The following OTUD7A variants were observed in gnomAD, a reference collection of about 807,000 sequenced individuals.
OTUD7A encodes the protein OTU domain-containing protein 7A.
Under a neutral mutation model 65.7 loss-of-function variants are expected in OTUD7A, and 12 were observed. That is an observed-to-expected ratio of 0.18 (90% CI 0.12 to 0.30). The LOEUF (loss-of-function observed/expected upper bound fraction) is 0.30. Among genes scored for constraint, OTUD7A ranks in the 10% least tolerant of loss-of-function variants. The pLI is 1.00. For synonymous variants in OTUD7A, 641 were observed against 586.3 expected (o/e 1.09, Z -1.35); for missense variants, 1,148 against 1,304.8 (o/e 0.88, Z 1.85).
At chr15:31,675,238 G>A (rs1268962553) in intron 1 of OTUD7A, among the ~76,000 whole-genome samples, 1 of 152,160 alleles carries the variant, frequency 6.6e-6, no homozygotes, top group African/African-American at 2.4e-5. Flanking sequence ...CAGCCATCTT[G>A]GGTGCTTGGT....
At chr15:31,791,480 T>G (rs1895814042) in intron 1 of OTUD7A, among the ~76,000 whole-genome samples, 1 of 152,062 alleles carries the variant, frequency 6.6e-6, no homozygotes, top group African/African-American at 2.4e-5. Flanking sequence ...CTCTTTTGAG[T>G]AGGAGGGTCA....
rs545819187 is a variant in OTUD7A at position 31,529,111 on chromosome 15, G to T, written c.652+1596C>A. Among the ~76,000 whole-genome samples the T allele has an allele frequency of 5.9e-5, 9 of 152,262 alleles. No homozygotes were observed. The South Asian group carries it at 1.0e-3, about 18-fold the overall frequency. ...CCTTGCCCCGCTGTTGTGCTGATGGGGACAATGACTCTACATGCTGCAGTT... is the reference window on the plus strand; with the variant it reads ...CCTTGCCCCGCTGTTGTGCTGATGGTGACAATGACTCTACATGCTGCAGTT... On this transcript the variant is annotated intron_variant, in intron 6 of 12. Coordinates refer to ENST00000307050, the MANE Select transcript of OTUD7A (RefSeq NM_001382637.1).
chr15:31,709,823 T>TACACACACATACATTATAC (rs1555409663), intron 1 of OTUD7A, among the ~76,000 whole-genome samples: 1 of 152,178 alleles, frequency 6.6e-6, no homozygotes, highest in Non-Finnish European at 1.5e-5. Flanking sequence ...TATATATATA[T>TACACACACATACATTATAC]ACACACACAT....
intron 1 of OTUD7A, among the ~76,000 whole-genome samples, chr15:31,777,921 G>C (rs1895430380): frequency 6.6e-6 from 1 of 152,206 alleles, no homozygotes; most frequent in South Asian, 2.1e-4. Context: ...AGGGCAGTGA[G>C]GGAGAGGATG....
intron 2 of OTUD7A, 77 bp from the exon 3 acceptor site, chr15:31,655,327 T>C (rs1412359398): frequency 2.9e-5 from 19 of 651,984 alleles, no homozygotes; most frequent in Non-Finnish European, 4.9e-5. Context: ...TGCAGAGACC[T>C]GAGCGAGAGA....
intron 1 of OTUD7A, among the ~76,000 whole-genome samples, chr15:31,859,759 T>A (rs1897672440): frequency 6.6e-6 from 1 of 152,146 alleles, no homozygotes; most frequent in Non-Finnish European, 1.5e-5. Context: ...TATCAGAACC[T>A]CTAGAGGAAG....
At chr15:31,828,278 T>C (rs569724401) in intron 1 of OTUD7A, among the ~76,000 whole-genome samples, 2 of 152,198 alleles carry the variant, frequency 1.3e-5, no homozygotes, top group Admixed American at 6.5e-5. Context: ...CATTTGCTTA[T>C]GTCTTTTTTT....
intron 1 of OTUD7A, among the ~76,000 whole-genome samples, chr15:31,777,836 G>A (rs1212487960): frequency 3.3e-5 from 5 of 152,216 alleles, no homozygotes; most frequent in African/African-American, 1.2e-4. Flanking sequence ...GGCAGAGCCT[G>A]GCAAGGGGGC....
At chr15:31,661,601 T>C (rs913975475) in intron 1 of OTUD7A, among the ~76,000 whole-genome samples, 1 of 152,252 alleles carries the variant, frequency 6.6e-6, no homozygotes, top group African/African-American at 2.4e-5. Context: ...TCTCCAACCC[T>C]TCTCCTGCTC....
At chr15:31,612,484 T>C (rs2141224886) in intron 3 of OTUD7A, among the ~76,000 whole-genome samples, 1 of 152,276 alleles carries the variant, frequency 6.6e-6, no homozygotes, top group East Asian at 1.9e-4. Context: ...AATTGGTAAC[T>C]CTTCTATATA....
At chr15:31,861,261 T>C (rs1355826804) in intron 1 of OTUD7A, among the ~76,000 whole-genome samples, 2 of 152,126 alleles carry the variant, frequency 1.3e-5, no homozygotes, top group Non-Finnish European at 2.9e-5. Context: ...AGGCCTCCTC[T>C]AGGCTGGGGG....
rs187545364 is a variant in OTUD7A, at chr15:31,526,497, C to T, written c.781-36G>A. 14,802 of 1,493,872 alleles carry T rather than the reference C, an allele frequency of 9.9e-3. 95 individuals carry two copies. Among genetic ancestry groups the T allele is most frequent in the Non-Finnish European group, 0.012 (13,196 of 1,114,954 alleles). 92.5% of individuals were successfully genotyped at this position (1,493,872 alleles called of 1,614,324 possible). A position where few individuals can be genotyped will look rare whatever the true frequency, so the allele number is the denominator to read the frequency against. ...GGAGCCGGCTCAGAAGGGGGGTGGG[C>T]CACAGCTGCGCTGCCCTCCTCTCCT... On this transcript the variant is annotated intron_variant, in intron 7 of 12. Transcript: ENST00000307050.
chr15:31,486,060 T>A (rs1469100387), intron 12 of OTUD7A, among the ~76,000 whole-genome samples: 1 of 151,774 alleles, frequency 6.6e-6, no homozygotes, highest in Non-Finnish European at 1.5e-5. Flanking sequence ...GGCTCAGGAG[T>A]CCCTGGCTGG....
intron 1 of OTUD7A, among the ~76,000 whole-genome samples, chr15:31,737,160 G>T (rs891192540): frequency 6.6e-6 from 1 of 152,058 alleles, no homozygotes; most frequent in African/African-American, 2.4e-5. Flanking sequence ...AAAAATAATA[G>T]AAATATTTAA....
chr15:31,572,592 T>C (rs758292234), intron 3 of OTUD7A, among the ~76,000 whole-genome samples: 23 of 152,228 alleles, frequency 1.5e-4, no homozygotes, highest in Non-Finnish European at 2.6e-4. Flanking sequence ...AAACTTAACA[T>C]ATGTATTTTG....
chr15:31,740,020 C>T (rs1894296648), intron 1 of OTUD7A, among the ~76,000 whole-genome samples: 1 of 152,318 alleles, frequency 6.6e-6, no homozygotes, highest in African/African-American at 2.4e-5. Flanking sequence ...GTGCTCCAAA[C>T]AGGATTTTAC....
At chr15:31,700,199 T>C (rs1893182185) in intron 1 of OTUD7A, among the ~76,000 whole-genome samples, 1 of 151,396 alleles carries the variant, frequency 6.6e-6, no homozygotes, top group Non-Finnish European at 1.5e-5. Context: ...TGATTCCTTT[T>C]CCAACAAACT....
At chr15:31,681,249 A>G (rs1892707259) in intron 1 of OTUD7A, among the ~76,000 whole-genome samples, 1 of 151,650 alleles carries the variant, frequency 6.6e-6, no homozygotes, top group South Asian at 2.1e-4. Flanking sequence ...ATGTCTAACT[A>G]TCCATGTTTC....
intron 1 of OTUD7A, among the ~76,000 whole-genome samples, chr15:31,739,986 C>T (rs1894295590): frequency 6.6e-6 from 1 of 152,210 alleles, no homozygotes; most frequent in African/African-American, 2.4e-5. Flanking sequence ...GGGGCAGACC[C>T]GTCTTTGAAT....
Sources: gnomAD v4.1 joint callset for allele counts (sites outside exome capture counted in the v4.1 genomes callset) on GRCh38, gnomAD v4.1.1 for gene constraint, MANE v1.5 for transcripts, NCBI Gene and HGNC (gene_info 2026-07-23, HGNC 2026-07-21) for gene names.